The following TNRC18 variants were observed in gnomAD, a reference collection of about 807,000 sequenced individuals.
TNRC18 encodes trinucleotide repeat-containing gene 18 protein.
Under a neutral mutation model 226.7 loss-of-function variants are expected in TNRC18, and 69 were observed. The observed-to-expected ratio is 0.30, with a 90% CI of 0.25 to 0.37. TNRC18 has a LOEUF of 0.37. TNRC18 is among the 10% of genes least tolerant of loss of function. The probability of loss-of-function intolerance (pLI) is 1.00; values close to 1 mark genes in which losing one functional copy is unlikely to be tolerated. For missense variants in TNRC18, 4,754 were observed against 4,256.6 expected (o/e 1.12, Z -3.25); for synonymous variants, 2,449 against 1,927.6 (o/e 1.27, Z -7.09).
intron 19 of TNRC18, chr7:5,330,001 G>A (rs1789346837): frequency 4.2e-6 from 2 of 470,896 alleles, no homozygotes; most frequent in Admixed American, 2.4e-5. Flanking sequence ...GTTGACAAAT[G>A]GAGGCTCAGA....
rs191382537 is a variant in TNRC18 at position 5,328,126 on chromosome 7, G to A, written c.6148-2878C>T. Among the ~76,000 whole-genome samples, 615 of 152,296 alleles carry A rather than the reference G, an allele frequency of 4.0e-3. 4 individuals are homozygous for A. The highest frequency in any genetic ancestry group is 8.4e-3 in the African/African-American group (349 of 41,560). On this transcript the variant is annotated intron_variant, in intron 19 of 29. Transcript: ENST00000430969. ...CCAGCTACTCTGGAGGCTGAGACAA[G>A]AGAATCACTTGAACCCGGGAGGCAG...
intron 26 of TNRC18, 90 bp from the exon 27 acceptor site, chr7:5,313,953 TTTTG>T (rs1172519393): frequency 1.6e-5 from 21 of 1,274,818 alleles, no homozygotes; most frequent in Non-Finnish European, 1.8e-5. Flanking sequence ...CTTCTGTGAG[TTTTG>T]TTTTTGTTTT....
At chr7:5,402,178 C>CAAAAAAAAAA (rs35794476) in intron 2 of TNRC18, among the ~76,000 whole-genome samples, 5 of 71,336 alleles carry the variant, frequency 7.0e-5, no homozygotes, top group African/African-American at 1.9e-4. Flanking sequence ...GACTCTGTCT[C>CAAAAAAAAAA]AAAAAAAAAA....
intron 18 of TNRC18, among the ~76,000 whole-genome samples, chr7:5,343,577 C>T (rs1207658192): frequency 6.6e-6 from 1 of 152,076 alleles, no homozygotes; most frequent in South Asian, 2.1e-4. Context: ...CGCATGCTAC[C>T]GTGCCTGGCT....
chr7:5,399,439 A>G (rs1264176138), intron 2 of TNRC18, among the ~76,000 whole-genome samples: 1 of 152,202 alleles, frequency 6.6e-6, no homozygotes, highest in African/African-American at 2.4e-5. Flanking sequence ...ACACCTGGGC[A>G]CAGTGGCTCA....
chr7:5,389,879 T>C (rs899099405), intron 4 of TNRC18: 5 of 154,258 alleles, frequency 3.2e-5, no homozygotes, highest in African/African-American at 1.2e-4. Context: ...GCTCTGGAAA[T>C]ACCTACAACC....
intron 5 of TNRC18, among the ~76,000 whole-genome samples, chr7:5,386,893 G>A (rs1779831201): frequency 6.6e-6 from 1 of 152,138 alleles, no homozygotes; most frequent in African/African-American, 2.4e-5. Flanking sequence ...TGACCAACTT[G>A]GAGAAACCCT....
chr7:5,410,901 A>C (rs1781797478), intron 2 of TNRC18, among the ~76,000 whole-genome samples: 1 of 147,934 alleles, frequency 6.8e-6, no homozygotes, highest in Non-Finnish European at 1.5e-5. Context: ...AGAAAAGAGA[A>C]GAGGAGAGAA....
intron 21 of TNRC18, among the ~76,000 whole-genome samples, 194 bp downstream of exon 21, chr7:5,323,996 GTCCCAGGGCCGCTCTCTTGCCTCA>G (rs1788640281): frequency 1.3e-5 from 2 of 152,298 alleles, no homozygotes; most frequent in Admixed American, 1.3e-4. Context: ...CTCCTCCCTG[GTCCCAGGGCCGCTCTCTTGCCTCA>G]TCTGCAGTTG....
rs1324121119 is a variant in TNRC18, at chr7:5,388,670, G to A, written c.1154C>T (p.Pro385Leu). 6.3e-6 allele frequency: 8 copies of A among 1,268,882 alleles called. No homozygotes were observed. The highest frequency in any genetic ancestry group is 3.6e-5 in the East Asian group (1 of 27,544). 78.6% of individuals were successfully genotyped at this position (1,268,882 alleles called of 1,614,324 possible). A position where few individuals can be genotyped will look rare whatever the true frequency, so the allele number is the denominator to read the frequency against. Residue 385 changes from proline (P) to leucine (L), a missense_variant, in exon 5 of 30, where the codon CCG becomes CTG. By Grantham distance (98) the Pro-to-Leu change is moderately conservative. Coordinates refer to ENST00000430969, the MANE Select transcript of TNRC18 (RefSeq NM_001080495.3). ...VPSVEAFDER[P>L]GPIQIASQAR... ...CTGGGATGCGATCTGGATGGGCCCCGGGCGCTCGTCGAAGGCCTCCACGGA... is the reference window on the plus strand; with the variant it reads ...CTGGGATGCGATCTGGATGGGCCCCAGGCGCTCGTCGAAGGCCTCCACGGA...
chr7:5,361,197 G>A (rs558091562), intron 14 of TNRC18, among the ~76,000 whole-genome samples: 12 of 152,286 alleles, frequency 7.9e-5, no homozygotes, highest in African/African-American at 1.2e-4. Flanking sequence ...CAGCAGGTCC[G>A]GCACGGCGGA....
chr7:5,390,614 G>A lies in TNRC18; in HGVS notation c.358C>T (p.Pro120Ser). ...AGGTAGGATGGGTACAGCCCACTGG[G>A]CAGGTGGGAGAAGCCTGTAACAGAA... Reference protein sequence around the residue: ...AHAHEGFSHLPSGLYPSYLHL... With the variant: ...AHAHEGFSHLSSGLYPSYLHL... Residue 120 changes from proline to serine, a missense_variant, in exon 4 of 30, where the codon CCC becomes TCC. Pro to Ser is a moderately conservative substitution (Grantham distance 74). Coordinates refer to ENST00000430969, the MANE Select transcript of TNRC18 (RefSeq NM_001080495.3). 1 of 1,584,290 alleles carries A rather than the reference G, an allele frequency of 6.3e-7. No homozygotes were observed. The highest frequency in any genetic ancestry group is 1.2e-5 in the South Asian group (1 of 86,698).
chr7:5,308,601 G>A (rs757559524), intron 29 of TNRC18, among the ~76,000 whole-genome samples: 18 of 152,268 alleles, frequency 1.2e-4, no homozygotes, highest in Middle Eastern at 3.4e-3. Context: ...CTGAAAGATA[G>A]AGGTTGGGAG....
intron 2 of TNRC18, among the ~76,000 whole-genome samples, chr7:5,414,904 G>GC (rs1782079003): frequency 1.3e-5 from 2 of 152,188 alleles, no homozygotes. Flanking sequence ...CCAATAGAGA[G>GC]CCATACATTG....
intron 2 of TNRC18, among the ~76,000 whole-genome samples, chr7:5,416,564 T>A (rs1384947794): frequency 3.5e-5 from 5 of 144,012 alleles, no homozygotes; most frequent in Non-Finnish European, 7.6e-5. Context: ...TACAGAAAAT[T>A]TTAAAATTAG....
At chr7:5,325,466 G>C (rs1364848251) in intron 19 of TNRC18, 17 of 512,230 alleles carry the variant, frequency 3.3e-5, no homozygotes, top group East Asian at 1.9e-4. Flanking sequence ...CTCTGTCACC[G>C]AGGCTGGAGC....
chr7:5,401,958 A>T (rs887859917), intron 2 of TNRC18, among the ~76,000 whole-genome samples: 1 of 149,860 alleles, frequency 6.7e-6, no homozygotes, highest in Admixed American at 6.7e-5. Flanking sequence ...GGCAGCTCAC[A>T]AGGTCAGCAG....
chr7:5,377,489 C>G lies in TNRC18; in HGVS notation c.2343G>C (p.Gly781=). 6.3e-7 allele frequency: 1 copy of G among 1,583,248 alleles called. No individual in the cohort carries two copies. Among genetic ancestry groups the G allele is most frequent in the Non-Finnish European group, 8.6e-7 (1 of 1,165,652 alleles). ...NGLNPNLMVT[G]GPALAGSGRW... ...GACCTGAGCCCGCCAGCGCCGGGCC[C>G]CCCGTCACCATGAGGTTGGGGTTCA... is the stretch of plus-strand genomic sequence containing the variant. Residue 781 remains glycine (G), a synonymous_variant, in exon 7 of 30, where the codon GGG becomes GGC. Coordinates refer to ENST00000430969, the MANE Select transcript of TNRC18 (RefSeq NM_001080495.3). The surrounding 1 kb of genome is among the most constrained non-coding windows in gnomAD (Gnocchi z 5.8).
chr7:5,322,377 C>A (rs1562490436), intron 21 of TNRC18, among the ~76,000 whole-genome samples: 1 of 152,142 alleles, frequency 6.6e-6, no homozygotes, highest in Non-Finnish European at 1.5e-5. Context: ...TAGCTCACTG[C>A]AGCCTGGAAC....
Sources: gnomAD v4.1 joint callset for allele counts (sites outside exome capture counted in the v4.1 genomes callset) on GRCh38, gnomAD v4.1.1 for gene constraint, Gnocchi (gnomAD v3.1) non-coding constraint, MANE v1.5 for transcripts, NCBI Gene and HGNC (gene_info 2026-07-23, HGNC 2026-07-21) for gene names.